The following DZIP1 variants were observed in gnomAD, a reference collection of about 807,000 sequenced individuals.
DZIP1 encodes DAZ interacting zinc finger protein 1.
A neutral mutation model predicts 107.6 loss-of-function variants in DZIP1; 97 were observed. That is an observed-to-expected ratio of 0.90 (90% confidence interval 0.77 to 1.07). The LOEUF (loss-of-function observed/expected upper bound fraction) is 1.07, where lower values mean the gene tolerates loss of function less well. DZIP1 is among the 50% of genes least tolerant of loss of function. The pLI is 0.00. For synonymous variants in DZIP1, 390 were observed against 386.4 expected (o/e 1.01, Z -0.11); for missense variants, 1,035 against 1,063.6 (o/e 0.97, Z 0.37).
At position 95,603,107 on chromosome 13, in the gene DZIP1, T is replaced by G. The variant is rs559588837; in HGVS notation, c.1477+2896A>C. Among the ~76,000 whole-genome samples, 362 of 151,966 alleles carry G rather than the reference T, an allele frequency of 2.4e-3. 5 individuals are homozygous for G. The highest frequency in any genetic ancestry group is 7.9e-4 in the Non-Finnish European group (54 of 67,942). Reference sequence around the variant, plus strand: ...GGCTGAGGTGGGAGGATCATTTGAGTCCAGGTGTTTGAAACCAGCCTGGGC... The same window carrying G: ...GGCTGAGGTGGGAGGATCATTTGAGGCCAGGTGTTTGAAACCAGCCTGGGC... On this transcript the variant is annotated intron_variant, in intron 14 of 22. Transcript: ENST00000376829.
At chr13:95,628,611 T>C (rs1477350657) in intron 7 of DZIP1, among the ~76,000 whole-genome samples, 8 of 152,162 alleles carry the variant, frequency 5.3e-5, no homozygotes, top group Admixed American at 5.2e-4. Context: ...TCATAATAGT[T>C]AAGAAGTGGA....
chr13:95,620,091 TC>T, intron 9 of DZIP1, 144 bp from the exon 10 acceptor site: 1 of 777,056 alleles, frequency 1.3e-6, no homozygotes, highest in Non-Finnish European at 2.0e-6. Flanking sequence ...TGGCTCTCGG[TC>T]CCCACTCAAA....
intron 21 of DZIP1, among the ~76,000 whole-genome samples, chr13:95,585,728 C>T (rs774075196): frequency 6.6e-6 from 1 of 152,152 alleles, no homozygotes; most frequent in Non-Finnish European, 1.5e-5. Context: ...TTTCTTTGTA[C>T]AAACCATTTG....
At chr13:95,617,462 C>G (rs1875254544) in intron 10 of DZIP1, among the ~76,000 whole-genome samples, 1 of 152,042 alleles carries the variant, frequency 6.6e-6, no homozygotes, top group African/African-American at 2.4e-5. Flanking sequence ...GACTCCTATC[C>G]CACGGACATT....
At chr13:95,591,233 T>C (rs1184497736) in intron 16 of DZIP1, among the ~76,000 whole-genome samples, 1 of 152,074 alleles carries the variant, frequency 6.6e-6, no homozygotes, top group Non-Finnish European at 1.5e-5. Flanking sequence ...TTCACCGTGT[T>C]GGCCAGGCTA....
At chr13:95,596,778 A>G (rs1237584566) in intron 15 of DZIP1, among the ~76,000 whole-genome samples, 1 of 152,272 alleles carries the variant, frequency 6.6e-6, no homozygotes, top group Non-Finnish European at 1.5e-5. Context: ...AGAAATATGC[A>G]TGAATTACTT....
chr13:95,587,478 A>T, intron 20 of DZIP1, 61 bp downstream of exon 20: 2 of 1,575,812 alleles, frequency 1.3e-6, no homozygotes, highest in Non-Finnish European at 1.7e-6. Context: ...CTCGGTACAC[A>T]CGGGTGAGGA....
At position 95,580,871 on chromosome 13, in the gene DZIP1, T is replaced by C. The variant is rs1452390643; in HGVS notation, c.*1363A>G. ...ACTAAAGCTTTTAGAAACATACATA[T>C]AAAGTGAGTATATCTGCATGAAATG... On this transcript the variant is annotated 3_prime_UTR_variant, in exon 23 of 23. Coordinates refer to ENST00000376829, the MANE Select transcript of DZIP1 (RefSeq NM_198968.4). 1 of 152,120 alleles carries C rather than the reference T, an allele frequency of 6.6e-6. No individual in the cohort carries two copies. Among genetic ancestry groups the C allele is most frequent in the Non-Finnish European group, 1.5e-5 (1 of 68,040 alleles). 9.4% of individuals were successfully genotyped at this position (152,120 alleles called of 1,614,324 possible). A position where few individuals can be genotyped will look rare whatever the true frequency, so the allele number is the denominator to read the frequency against.
In DZIP1 at chr13:95,630,691, A is replaced by T. The variant is rs1404668284; in HGVS notation, c.686-578T>A. On this transcript the variant is annotated intron_variant, in intron 6 of 22. Coordinates refer to ENST00000376829, the MANE Select transcript of DZIP1 (RefSeq NM_198968.4). ...AAAGGAAGCAACAAGTGAAAGGAAG[A>T]ATACTTATGTACATGTACTTACATG... is the stretch of plus-strand genomic sequence containing the variant. 6.7e-5 allele frequency: 81 copies of T among 1,214,536 alleles called. No homozygotes were observed. In the South Asian group the frequency reaches 9.8e-4, roughly 15 times the overall value. 75.2% of individuals were successfully genotyped at this position (1,214,536 alleles called of 1,614,324 possible).
At chr13:95,584,943 G>C in intron 21 of DZIP1, 33 bp from the exon 22 acceptor site, 1 of 1,569,988 alleles carries the variant, frequency 6.4e-7, no homozygotes, top group Non-Finnish European at 8.7e-7. Context: ...AATTAATGTT[G>C]CTTAGAAAAA....
chr13:95,592,200 T>C (rs532082453), intron 16 of DZIP1, among the ~76,000 whole-genome samples: 24 of 152,066 alleles, frequency 1.6e-4, no homozygotes, highest in African/African-American at 5.5e-4. Flanking sequence ...AAAGCCCAGA[T>C]AGACAAAAAC....
chr13:95,589,662 G>T (rs964635387), intron 18 of DZIP1, 141 bp downstream of exon 18: 88 of 1,102,084 alleles, frequency 8.0e-5, no homozygotes, highest in Non-Finnish European at 1.1e-4. Context: ...GACTATACTG[G>T]CATCCTGATC....
At chr13:95,591,586 T>C (rs545818514) in intron 16 of DZIP1, among the ~76,000 whole-genome samples, 2 of 152,218 alleles carry the variant, frequency 1.3e-5, no homozygotes, top group South Asian at 4.2e-4. Context: ...AAGTACCACC[T>C]CCAAGAAGAA....
At chr13:95,597,394 G>C (rs1208889321) in intron 15 of DZIP1, among the ~76,000 whole-genome samples, 9 of 152,230 alleles carry the variant, frequency 5.9e-5, no homozygotes, top group African/African-American at 1.9e-4. Context: ...ATCAGTAAAT[G>C]ATATGTATGT....
At chr13:95,632,870 C>T (rs1254640578) in intron 6 of DZIP1, among the ~76,000 whole-genome samples, 1 of 152,200 alleles carries the variant, frequency 6.6e-6, no homozygotes, top group African/African-American at 2.4e-5. Flanking sequence ...ACTTTCACCC[C>T]ACCTGGAGTC....
intron 9 of DZIP1, 68 bp downstream of exon 9, chr13:95,622,275 C>T (rs892358758): frequency 6.3e-7 from 1 of 1,597,582 alleles, no homozygotes; most frequent in African/African-American, 1.3e-5. Flanking sequence ...GCAGATGACA[C>T]TCACTGTAAA....
At chr13:95,584,506 A>T (rs2044100181) in intron 22 of DZIP1, 4 of 827,002 alleles carry the variant, frequency 4.8e-6, no homozygotes, top group Non-Finnish European at 6.1e-6. Context: ...AAAATAAATT[A>T]AAAATTTAAA....
In DZIP1 at chr13:95,580,150, C is replaced by T. The variant is rs1230600287; in HGVS notation, c.*2084G>A. The T allele has an allele frequency of 6.6e-6, 1 of 152,124 alleles. No individual in the cohort carries two copies. Among genetic ancestry groups the T allele is most frequent in the Non-Finnish European group, 1.5e-5 (1 of 68,044 alleles). 9.4% of individuals were successfully genotyped at this position (152,124 alleles called of 1,614,324 possible). ...AGGAGTTCGAGACCAGTCTGGCCAA[C>T]ATGGTGAAACCTCATCTCTACTAAA... is the stretch of plus-strand genomic sequence containing the variant. On this transcript the variant is annotated 3_prime_UTR_variant, in exon 23 of 23. Coordinates refer to ENST00000376829, the MANE Select transcript of DZIP1 (RefSeq NM_198968.4).
At chr13:95,637,705 AG>A (rs1449472537) in intron 5 of DZIP1, among the ~76,000 whole-genome samples, 2 of 152,220 alleles carry the variant, frequency 1.3e-5, no homozygotes, top group East Asian at 3.9e-4. Flanking sequence ...TTTACAAGCC[AG>A]GAAGAGAGGC....
Sources: gnomAD v4.1 joint callset for allele counts (sites outside exome capture counted in the v4.1 genomes callset) on GRCh38, gnomAD v4.1.1 for gene constraint, MANE v1.5 for transcripts, NCBI Gene and HGNC (gene_info 2026-07-23, HGNC 2026-07-21) for gene names.